Variants in SH2D4A observed in about 807,000 individuals in gnomAD.
SH2D4A encodes SH2 domain containing 4A.
In SH2D4A, 70 loss-of-function variants were observed where a neutral mutation model predicts 64.7. The observed-to-expected ratio is 1.08, with a 90% CI of 0.89 to 1.32. The LOEUF is 1.32. Among genes scored for constraint, SH2D4A ranks in the 40% most tolerant of loss-of-function variants. The pLI is 0.00. For missense variants in SH2D4A, 706 were observed against 540.1 expected, an observed-to-expected ratio of 1.31 and a Z score of -3.04; for synonymous variants, 268 against 200.7, an observed-to-expected ratio of 1.34 and a Z score of -2.83.
intron 4 of SH2D4A, among the ~76,000 whole-genome samples, chr8:19,342,916 G>A (rs1441411642): frequency 1.3e-5 from 2 of 152,166 alleles, no homozygotes; most frequent in Non-Finnish European, 2.9e-5. Context: ...TCTACTTTCC[G>A]GGACACCTTG....
intron 7 of SH2D4A, among the ~76,000 whole-genome samples, chr8:19,369,390 G>A (rs552646613): frequency 6.6e-6 from 1 of 152,120 alleles, no homozygotes; most frequent in Non-Finnish European, 1.5e-5. Flanking sequence ...TCAGTTTTTT[G>A]CAGTAGTTTG....
intron 7 of SH2D4A, among the ~76,000 whole-genome samples, chr8:19,368,584 T>A (rs903198235): frequency 6.7e-6 from 1 of 148,804 alleles, no homozygotes; most frequent in East Asian, 1.9e-4. Context: ...CCTAGTTATT[T>A]TATTTTATTT....
At chr8:19,378,812 A>C (rs758929877) in intron 8 of SH2D4A, among the ~76,000 whole-genome samples, 28 of 151,718 alleles carry the variant, frequency 1.8e-4, no homozygotes, top group Admixed American at 2.0e-4. Flanking sequence ...TTGGGAGGCC[A>C]AGGAAGGCGG....
At chr8:19,326,970 A>G (rs2117192089) in intron 2 of SH2D4A, among the ~76,000 whole-genome samples, 1 of 152,312 alleles carries the variant, frequency 6.6e-6, no homozygotes, top group South Asian at 2.1e-4. Context: ...GCTGCAATCT[A>G]GGACTGGACC....
chr8:19,336,418 A>G (rs751885473), intron 4 of SH2D4A, among the ~76,000 whole-genome samples: 4 of 152,014 alleles, frequency 2.6e-5, no homozygotes, highest in African/African-American at 7.2e-5. Flanking sequence ...TGCTCCCCAC[A>G]TCCTCATTGA....
chr8:19,394,685 C>T lies in SH2D4A; in HGVS notation c.*43C>T, dbSNP rs772994446. 7 of 1,493,382 alleles carry T rather than the reference C, an allele frequency of 4.7e-6. No homozygotes were observed. In the Admixed American group the frequency reaches 1.3e-4, roughly 28 times the overall value. 92.5% of individuals were successfully genotyped at this position (1,493,382 alleles called of 1,614,324 possible). On this transcript the variant is annotated 3_prime_UTR_variant, in exon 10 of 10. Coordinates refer to ENST00000265807, the MANE Select transcript of SH2D4A (RefSeq NM_022071.4). The stretch of plus-strand genomic sequence containing the variant: ...ATCCTACAGCCTCCAAGCGGGCTTT[C>T]CCCTGGACAAATGCCACTGCAACAT...
intron 1 of SH2D4A, among the ~76,000 whole-genome samples, chr8:19,317,195 T>A (rs887679226): frequency 2.6e-5 from 4 of 152,100 alleles, no homozygotes; most frequent in African/African-American, 9.7e-5. Flanking sequence ...TCATTCTGTC[T>A]CCTTTCTTAC....
At chr8:19,350,734 G>A (rs1378436308) in intron 4 of SH2D4A, among the ~76,000 whole-genome samples, 1 of 152,070 alleles carries the variant, frequency 6.6e-6, no homozygotes, top group Non-Finnish European at 1.5e-5. Flanking sequence ...TCTTCTGACT[G>A]GGCCTCCCAA....
intron 4 of SH2D4A, among the ~76,000 whole-genome samples, chr8:19,348,499 G>A (rs17128244): frequency 2.2e-4 from 34 of 151,934 alleles, no homozygotes; most frequent in Non-Finnish European, 2.9e-4. Flanking sequence ...TAAATTTTCC[G>A]TCTTCTATAC....
At position 19,395,222 on chromosome 8, in the gene SH2D4A, G is replaced by A. The variant is rs1457609697; in HGVS notation, c.*580G>A. 6.6e-6 allele frequency: 1 copy of A among 152,224 alleles called. No individual in the cohort carries two copies. Among genetic ancestry groups the A allele is most frequent in the Admixed American group, 6.5e-5 (1 of 15,282 alleles). The allele number at this position is 152,224 out of a possible 1,614,324, so 9.4% of individuals were successfully genotyped here. On this transcript the variant is annotated 3_prime_UTR_variant, in exon 10 of 10. Transcript: ENST00000265807. ...CTTAACATGCATGAAAATACAGATG[G>A]ACCTGCAGGAAAGTGAGCAAACATC...
At chr8:19,339,824 A>G (rs1027306347) in intron 4 of SH2D4A, among the ~76,000 whole-genome samples, 18 of 152,060 alleles carry the variant, frequency 1.2e-4, no homozygotes, top group African/African-American at 4.1e-4. Context: ...CTTAGCTTAA[A>G]TGTATCGACA....
At chr8:19,373,441 T>TGG in intron 7 of SH2D4A, 89 bp from the exon 8 acceptor site, 3 of 853,404 alleles carry the variant, frequency 3.5e-6, no homozygotes, top group Non-Finnish European at 4.8e-6. Flanking sequence ...TGTATGTGTG[T>TGG]GTGTATATAT....
intron 8 of SH2D4A, among the ~76,000 whole-genome samples, chr8:19,376,198 C>G (rs978273902): frequency 1.3e-5 from 2 of 152,140 alleles, no homozygotes; most frequent in Admixed American, 1.3e-4. Context: ...ATCCAAATGC[C>G]CCCTGCTGGC....
intron 2 of SH2D4A, among the ~76,000 whole-genome samples, chr8:19,328,054 A>G (rs1030493181): frequency 6.6e-6 from 1 of 152,192 alleles, no homozygotes; most frequent in Non-Finnish European, 1.5e-5. Flanking sequence ...TATTTGGGGC[A>G]TCAGAATCCT....
chr8:19,364,041 AGGGTTTTCTCCGACCCCG>A lies in SH2D4A; in HGVS notation c.707-30_707-13del. On this transcript the variant is annotated splice_polypyrimidine_tract_variant and intron_variant, in intron 6 of 9. Transcript: ENST00000265807. ...TTCTCACCTGCTCTGTGGGCTGATG[AGGGTTTTCTCCGACCCCG>A]TTGTTTTTCCAGTGCGAAAATCCAA... 1.2e-6 allele frequency: 2 copies of A among 1,610,420 alleles called. No homozygotes were observed. Among genetic ancestry groups the A allele is most frequent in the Non-Finnish European group, 8.5e-7 (1 of 1,177,596 alleles).
At position 19,354,021 on chromosome 8, in the gene SH2D4A, T is replaced by C. The variant is rs1191575861; in HGVS notation, c.514-3182T>C. Among the ~76,000 whole-genome samples, 9 of 144,098 alleles carry C rather than the reference T, an allele frequency of 6.2e-5. No homozygotes were observed. In the East Asian group the frequency reaches 1.6e-3, roughly 26 times the overall value. The allele number at this position is 144,098 out of a possible 152,430, so 94.5% of individuals were successfully genotyped here. ...TTTTTTTTTTTTTTTTGACACGGAG[T>C]CTCACGGTCACCAGGCTAGAGTTCA... On this transcript the variant is annotated intron_variant, in intron 4 of 9. Transcript: ENST00000265807.
chr8:19,392,692 T>C (rs962517192), intron 8 of SH2D4A, among the ~76,000 whole-genome samples: 1 of 152,118 alleles, frequency 6.6e-6, no homozygotes, highest in Non-Finnish European at 1.5e-5. Context: ...GTCTAACACC[T>C]GTGTGTTGCT....
At chr8:19,350,028 A>G (rs2117252734) in intron 4 of SH2D4A, among the ~76,000 whole-genome samples, 1 of 152,282 alleles carries the variant, frequency 6.6e-6, no homozygotes, top group Admixed American at 6.5e-5. Context: ...TATTATTTGT[A>G]GTTAAGTTTT....
At chr8:19,387,499 C>G (rs2053410332) in intron 8 of SH2D4A, among the ~76,000 whole-genome samples, 1 of 152,398 alleles carries the variant, frequency 6.6e-6, no homozygotes, top group South Asian at 2.1e-4. Flanking sequence ...GTCAGCCTCC[C>G]AAAGTGCTGG....
Sources: gnomAD v4.1 joint callset for allele counts (sites outside exome capture counted in the v4.1 genomes callset) on GRCh38, gnomAD v4.1.1 for gene constraint, MANE v1.5 for transcripts, NCBI Gene and HGNC (gene_info 2026-07-23, HGNC 2026-07-21) for gene names.